Variants in DISC1 observed in about 807,000 individuals in gnomAD.
DISC1 encodes DISC1 scaffold protein, also known as disrupted in schizophrenia 1 protein.
A neutral mutation model predicts 84.5 loss-of-function variants in DISC1; 57 were observed. The ratio of observed to expected loss-of-function variants is 0.67; its 90% CI spans 0.55 to 0.84. DISC1 has a LOEUF of 0.84. Among genes scored for constraint, DISC1 ranks in the 40% least tolerant of loss-of-function variants. The probability of loss-of-function intolerance (pLI) is 0.00; values close to 1 mark genes in which losing one functional copy is unlikely to be tolerated. For missense variants in DISC1, 1,000 were observed against 1,057.8 expected (o/e 0.95, Z 0.76); for synonymous variants, 411 against 415.2 (o/e 0.99, Z 0.12).
At chr1:231,877,799 G>C (rs2086001576) in intron 9 of DISC1, among the ~76,000 whole-genome samples, 1 of 152,160 alleles carries the variant, frequency 6.6e-6, no homozygotes, top group Non-Finnish European at 1.5e-5. Context: ...AAACACAACT[G>C]AAGAATAGGA....
chr1:231,921,005 C>G (rs2089965553), intron 9 of DISC1, among the ~76,000 whole-genome samples: 2 of 149,742 alleles, frequency 1.3e-5, no homozygotes, highest in African/African-American at 4.9e-5. Context: ...CTCCTGGGTT[C>G]AAGCGATTCC....
chr1:231,653,378 C>T (rs374302653), intron 1 of DISC1, among the ~76,000 whole-genome samples: 2 of 152,238 alleles, frequency 1.3e-5, no homozygotes, highest in African/African-American at 4.8e-5. Context: ...CCCTCTCCAG[C>T]GTGTGGTTTG....
chr1:231,837,110 C>T (rs568760523), intron 9 of DISC1, among the ~76,000 whole-genome samples: 1 of 152,090 alleles, frequency 6.6e-6, no homozygotes, highest in Non-Finnish European at 1.5e-5. Context: ...ATTTAGAGTA[C>T]ATTTTTTTCT....
In DISC1 at chr1:232,036,990, G is replaced by T; in HGVS notation, c.*159G>T. 2.8e-6 allele frequency: 2 copies of T among 709,958 alleles called. No homozygotes were observed. The highest frequency in any genetic ancestry group is 3.9e-5 in the Admixed American group (1 of 25,808). 44.0% of individuals were successfully genotyped at this position (709,958 alleles called of 1,614,324 possible). ...GTGGTTCATGTTCATTCTCATCAGT[G>T]TGAAACTGAGGAGTCTGCAATTTGG... On this transcript the variant is annotated 3_prime_UTR_variant, in exon 13 of 13. Transcript: ENST00000439617.
chr1:231,865,965 A>G (rs983643337), intron 9 of DISC1, among the ~76,000 whole-genome samples: 5 of 152,206 alleles, frequency 3.3e-5, no homozygotes, highest in African/African-American at 9.7e-5. Context: ...GTTAAGACCA[A>G]TATTTCTAGG....
chr1:231,722,538 G>A (rs1443304261), intron 3 of DISC1: 1 of 1,614,090 alleles, frequency 6.2e-7, no homozygotes, highest in South Asian at 1.1e-5. Context: ...CTTCTTGGCA[G>A]CTGGAACCAA....
intron 10 of DISC1, among the ~76,000 whole-genome samples, chr1:231,985,024 C>G (rs551542262): frequency 4.6e-5 from 7 of 152,102 alleles, no homozygotes; most frequent in Admixed American, 4.6e-4. Context: ...TCTGTCTATA[C>G]AAGAAAATAA....
At chr1:231,705,632 G>T (rs543302023) in intron 3 of DISC1, among the ~76,000 whole-genome samples, 2 of 152,194 alleles carry the variant, frequency 1.3e-5, no homozygotes, top group African/African-American at 4.8e-5. Flanking sequence ...ATTTTAAATT[G>T]ATCACTAAGT....
chr1:231,723,836 G>T lies in DISC1; in HGVS notation c.1117+21812G>T, dbSNP rs559591962. The stretch of plus-strand genomic sequence containing the variant: ...CTCCCTCTTTTTTGTTGGTTGTGGG[G>T]TGGGCTACATCTTCTTACCCAAACA... On this transcript the variant is annotated intron_variant, in intron 3 of 12. Coordinates refer to ENST00000439617, the MANE Select transcript of DISC1 (RefSeq NM_018662.3). 14 of 985,378 alleles carry T rather than the reference G, an allele frequency of 1.4e-5. No homozygotes were observed. The Admixed American group carries it at 5.5e-4, about 39-fold the overall frequency. The allele number at this position is 985,378 out of a possible 1,614,324, so 61.0% of individuals were successfully genotyped here. A position where few individuals can be genotyped will look rare whatever the true frequency, so the allele number is the denominator to read the frequency against.
chr1:231,942,471 C>T (rs182795393), intron 9 of DISC1, among the ~76,000 whole-genome samples: 308 of 152,254 alleles, frequency 2.0e-3, no homozygotes, highest in African/African-American at 6.5e-3. Flanking sequence ...TTGAGACCAC[C>T]GTGGCTAATA....
chr1:231,678,759 G>A (rs942124961), intron 1 of DISC1, among the ~76,000 whole-genome samples: 2 of 152,206 alleles, frequency 1.3e-5, no homozygotes, highest in East Asian at 3.9e-4. Flanking sequence ...TCCGCCTCCC[G>A]AGTTCAAGCC....
intron 9 of DISC1, among the ~76,000 whole-genome samples, chr1:231,828,177 C>T (rs2081992391): frequency 6.6e-6 from 1 of 152,102 alleles, no homozygotes. Flanking sequence ...CTGATATTTT[C>T]CTTCCCCAAG....
At chr1:231,848,902 G>T (rs1388781157) in intron 9 of DISC1, among the ~76,000 whole-genome samples, 1 of 151,772 alleles carries the variant, frequency 6.6e-6, no homozygotes, top group Non-Finnish European at 1.5e-5. Flanking sequence ...GCAGTGTCTT[G>T]CACATAGAGG....
chr1:232,003,311 AAG>A (rs1467195001), intron 10 of DISC1, among the ~76,000 whole-genome samples: 1 of 152,184 alleles, frequency 6.6e-6, no homozygotes, highest in Non-Finnish European at 1.5e-5. Flanking sequence ...TTTGAATTAA[AAG>A]AGTGTTGGAA....
intron 9 of DISC1, among the ~76,000 whole-genome samples, chr1:231,873,016 G>A (rs6541289): frequency 0.13 from 19,210 of 152,226 alleles, 1,357 homozygotes; most frequent in East Asian, 0.32. Flanking sequence ...TCAGGAGTTT[G>A]TCTATTCCAT....
At chr1:232,001,625 A>G (rs1026576742) in intron 10 of DISC1, among the ~76,000 whole-genome samples, 3 of 152,360 alleles carry the variant, frequency 2.0e-5, no homozygotes, top group South Asian at 2.1e-4. Flanking sequence ...TATAAAAGTA[A>G]TTCAGTGAAG....
intron 9 of DISC1, among the ~76,000 whole-genome samples, chr1:231,869,238 A>T (rs2085284426): frequency 6.6e-6 from 1 of 152,144 alleles, no homozygotes; most frequent in Non-Finnish European, 1.5e-5. Flanking sequence ...TGCCTGAAAG[A>T]TATACAACCA....
chr1:231,646,234 A>G (rs913960552), intron 1 of DISC1, among the ~76,000 whole-genome samples: 3 of 151,568 alleles, frequency 2.0e-5, no homozygotes, highest in African/African-American at 7.3e-5. Flanking sequence ...ATTCCCACCT[A>G]TGAGTGAGAA....
At chr1:231,863,220 C>CT (rs533463099) in intron 9 of DISC1, among the ~76,000 whole-genome samples, 609 of 54,764 alleles carry the variant, frequency 0.011, 99 homozygotes, top group Middle Eastern at 0.023. Context: ...ATAAAATGTT[C>CT]TTTTTTTTTT....
Sources: gnomAD v4.1 joint callset for allele counts (sites outside exome capture counted in the v4.1 genomes callset) on GRCh38, gnomAD v4.1.1 for gene constraint, MANE v1.5 for transcripts, NCBI Gene and HGNC (gene_info 2026-07-23, HGNC 2026-07-21) for gene names.